Variants in VPS13B observed in about 807,000 individuals in gnomAD.
The protein encoded by VPS13B is intermembrane lipid transfer protein VPS13B.
VPS13B carries 285 observed loss-of-function variants against 426.4 expected under a neutral mutation model. The observed-to-expected ratio is 0.67, with a 90% CI of 0.61 to 0.74. The LOEUF (loss-of-function observed/expected upper bound fraction) is 0.74. Among genes scored for constraint, VPS13B ranks in the 30% least tolerant of loss-of-function variants. The pLI, the probability that VPS13B is intolerant of heterozygous loss-of-function variation, is 0.00. For synonymous variants in VPS13B, 1,676 were observed against 1,676.4 expected, an observed-to-expected ratio of 1.00 and a Z score of 0.01; for missense variants, 4,537 against 4,782.6, an observed-to-expected ratio of 0.95 and a Z score of 1.51.
At chr8:99,388,316 T>A (rs1331273828) in intron 20 of VPS13B, among the ~76,000 whole-genome samples, 1 of 152,156 alleles carries the variant, frequency 6.6e-6, no homozygotes, top group Non-Finnish European at 1.5e-5. Flanking sequence ...AATATTTTTT[T>A]AAAAAAGCAA....
chr8:99,606,631 T>G (rs1437535162), intron 33 of VPS13B, among the ~76,000 whole-genome samples: 1 of 144,602 alleles, frequency 6.9e-6, no homozygotes, highest in Non-Finnish European at 1.5e-5. Flanking sequence ...TTTCTTTTCT[T>G]TTTTTTTTTT....
At chr8:99,733,357 T>C (rs1044036541) in intron 39 of VPS13B, among the ~76,000 whole-genome samples, 1 of 152,222 alleles carries the variant, frequency 6.6e-6, no homozygotes, top group African/African-American at 2.4e-5. Context: ...CAAGGTCAGC[T>C]GGTGATCTCG....
chr8:99,157,263 T>C (rs535009092), intron 15 of VPS13B, among the ~76,000 whole-genome samples: 1 of 149,196 alleles, frequency 6.7e-6, no homozygotes, highest in African/African-American at 2.5e-5. Flanking sequence ...TGTGTGTGTA[T>C]GTGTGTGTGT....
At chr8:99,338,418 A>G (rs1811051818) in intron 19 of VPS13B, among the ~76,000 whole-genome samples, 1 of 152,000 alleles carries the variant, frequency 6.6e-6, no homozygotes, top group Non-Finnish European at 1.5e-5. Flanking sequence ...TATTCTTTAT[A>G]TAATCTGTTA....
chr8:99,607,413 C>T (rs760360860), intron 33 of VPS13B, among the ~76,000 whole-genome samples: 1 of 152,182 alleles, frequency 6.6e-6, no homozygotes, highest in African/African-American at 2.4e-5. Context: ...CTCTCCCACA[C>T]GTAAGAAATG....
chr8:99,370,529 G>T (rs1295214059), intron 19 of VPS13B, among the ~76,000 whole-genome samples: 1 of 151,820 alleles, frequency 6.6e-6, no homozygotes, highest in African/African-American at 2.4e-5. Flanking sequence ...CAGTGTTTAG[G>T]CAGAAGAATA....
intron 35 of VPS13B, among the ~76,000 whole-genome samples, chr8:99,671,229 G>T (rs1563854965): frequency 6.6e-6 from 1 of 151,998 alleles, no homozygotes; most frequent in Non-Finnish European, 1.5e-5. Context: ...TTCTCTGATG[G>T]TTAGTTATAT....
At chr8:99,386,880 G>A (rs1814154813) in intron 20 of VPS13B, among the ~76,000 whole-genome samples, 1 of 152,122 alleles carries the variant, frequency 6.6e-6, no homozygotes, top group South Asian at 2.1e-4. Context: ...AAAGCAGGAG[G>A]ATTGTTTGTG....
At chr8:99,824,846 T>C (rs1321901138) in intron 51 of VPS13B, among the ~76,000 whole-genome samples, 1 of 152,140 alleles carries the variant, frequency 6.6e-6, no homozygotes, top group Non-Finnish European at 1.5e-5. Context: ...TCTGTTCCTG[T>C]GTTAGTTTGC....
intron 19 of VPS13B, among the ~76,000 whole-genome samples, chr8:99,319,652 AGT>A (rs760817202): frequency 1.2e-4 from 18 of 152,186 alleles, no homozygotes; most frequent in Non-Finnish European, 2.2e-4. Flanking sequence ...ATGCCCCCAG[AGT>A]GTGGTGCAAC....
chr8:99,135,326 C>T (rs1331983438), intron 10 of VPS13B, among the ~76,000 whole-genome samples, 189 bp downstream of exon 10: 2 of 152,024 alleles, frequency 1.3e-5, no homozygotes, highest in Non-Finnish European at 2.9e-5. Context: ...AAGTTGGTAG[C>T]GCCTAACACC....
intron 31 of VPS13B, among the ~76,000 whole-genome samples, chr8:99,562,462 G>A (rs994799108): frequency 1.4e-4 from 22 of 152,048 alleles, no homozygotes; most frequent in Non-Finnish European, 8.8e-5. Flanking sequence ...TGTATTTTTA[G>A]TAGAGATGGA....
intron 17 of VPS13B, among the ~76,000 whole-genome samples, chr8:99,237,068 T>C (rs1816690457): frequency 1.3e-5 from 2 of 152,220 alleles, no homozygotes; most frequent in African/African-American, 4.8e-5. Context: ...TCTCATTTTT[T>C]ACCTGCCACC....
rs1007397462 is a variant in VPS13B at position 99,588,748 on chromosome 8, G to A, written c.5220+11115G>A. Among the ~76,000 whole-genome samples, 75 of 151,846 alleles carry A rather than the reference G, an allele frequency of 4.9e-4. 1 individual carries two copies. Among genetic ancestry groups the A allele is most frequent in the African/African-American group, 1.7e-3 (70 of 41,158 alleles). ...TGGGGTTTTCTAAATATACAGTCATGTCATCTGCAAACAGGGACAATTTGA... is the reference window on the plus strand; with the variant it reads ...TGGGGTTTTCTAAATATACAGTCATATCATCTGCAAACAGGGACAATTTGA... On this transcript the variant is annotated intron_variant, in intron 33 of 61. Transcript: ENST00000357162.
At chr8:99,858,260 T>C (rs939137704) in intron 56 of VPS13B, among the ~76,000 whole-genome samples, 4 of 152,224 alleles carry the variant, frequency 2.6e-5, no homozygotes, top group African/African-American at 9.6e-5. Flanking sequence ...TCTTGGGGCC[T>C]ACAGCCCCAA....
chr8:99,174,199 G>A (rs1405788272), intron 16 of VPS13B, among the ~76,000 whole-genome samples: 1 of 152,062 alleles, frequency 6.6e-6, no homozygotes, highest in Non-Finnish European at 1.5e-5. Context: ...TTCATTTTAT[G>A]TATATGCCAC....
intron 30 of VPS13B, among the ~76,000 whole-genome samples, chr8:99,544,610 C>T (rs1467591328): frequency 6.6e-6 from 1 of 152,040 alleles, no homozygotes; most frequent in African/African-American, 2.4e-5. Flanking sequence ...AAGAATTCTA[C>T]CTACCGCTTT....
chr8:99,293,702 A>G (rs1262624079), intron 19 of VPS13B, among the ~76,000 whole-genome samples: 1 of 151,972 alleles, frequency 6.6e-6, no homozygotes, highest in Non-Finnish European at 1.5e-5. Context: ...ACAAGAAAAA[A>G]ACAAACAACC....
intron 33 of VPS13B, among the ~76,000 whole-genome samples, chr8:99,619,034 C>T (rs7842833): frequency 6.6e-6 from 1 of 152,008 alleles, no homozygotes; most frequent in Non-Finnish European, 1.5e-5. Context: ...ATAATAGTTC[C>T]TATGTACATG....
Sources: allele counts gnomAD v4.1 joint callset (sites outside exome capture counted in the v4.1 genomes callset), GRCh38; gene constraint gnomAD v4.1.1; transcripts MANE v1.5; gene names NCBI Gene and HGNC (gene_info 2026-07-23, HGNC 2026-07-21).